The following ADAMTS16 variants were observed in gnomAD, a reference collection of about 807,000 sequenced individuals.
The protein encoded by ADAMTS16 is A disintegrin and metalloproteinase with thrombospondin motifs 16.
Under a neutral mutation model 145.8 loss-of-function variants are expected in ADAMTS16, and 94 were observed. That is an observed-to-expected ratio of 0.64 (90% CI 0.55 to 0.77). The LOEUF (loss-of-function observed/expected upper bound fraction) is 0.77, where lower values mean the gene tolerates loss of function less well. ADAMTS16 is among the 30% of genes least tolerant of loss of function. The pLI, the probability that ADAMTS16 is intolerant of heterozygous loss-of-function variation, is 0.00. For synonymous variants in ADAMTS16, 659 were observed against 604.3 expected (o/e 1.09, Z -1.33); for missense variants, 1,585 against 1,591.5 (o/e 1.00, Z 0.07).
In ADAMTS16 at chr5:5,237,184, G is replaced by A; in HGVS notation, c.2154+85G>A. 4.3e-6 allele frequency: 6 copies of A among 1,404,004 alleles called. No homozygotes were observed. The South Asian group carries it at 6.7e-5, about 16-fold the overall frequency. The allele number at this position is 1,404,004 out of a possible 1,614,324, so 87.0% of individuals were successfully genotyped here. ...CATCCTGTAGAGGCTAGAAAGACTG[G>A]ACATATGAGACAAGCCTTTCCCTCT... On this transcript the variant is annotated intron_variant, in intron 14 of 22. Coordinates refer to ENST00000274181, the MANE Select transcript of ADAMTS16 (RefSeq NM_139056.4).
chr5:5,159,801 A>T (rs1177561087), intron 3 of ADAMTS16, among the ~76,000 whole-genome samples: 1 of 152,232 alleles, frequency 6.6e-6, no homozygotes, highest in Non-Finnish European at 1.5e-5. Flanking sequence ...TGACGCGCAC[A>T]TTTTGAAAGA....
At chr5:5,189,808 G>A (rs996682877) in intron 6 of ADAMTS16, among the ~76,000 whole-genome samples, 163 bp from the exon 7 acceptor site, 2 of 152,204 alleles carry the variant, frequency 1.3e-5, no homozygotes, top group Non-Finnish European at 2.9e-5. Context: ...GGATCTGTAC[G>A]GGTTTTATAG....
At chr5:5,292,600 A>T (rs1269753395) in intron 18 of ADAMTS16, among the ~76,000 whole-genome samples, 3 of 152,126 alleles carry the variant, frequency 2.0e-5, no homozygotes, top group Non-Finnish European at 2.9e-5. Flanking sequence ...CCAGCCTTCC[A>T]TGGCTCTCCA....
chr5:5,142,040 C>G (rs1175995906), intron 2 of ADAMTS16: 1 of 146,918 alleles, frequency 6.8e-6, no homozygotes, highest in African/African-American at 2.5e-5. Flanking sequence ...AATTCTAATT[C>G]ACCTTTTTAA....
chr5:5,239,578 T>A (rs902475534), intron 15 of ADAMTS16, 103 bp from the exon 16 acceptor site: 1 of 1,499,736 alleles, frequency 6.7e-7, no homozygotes, highest in African/African-American at 1.4e-5. Context: ...CAGTTCCAAA[T>A]GTGGATTCTC....
intron 21 of ADAMTS16, 85 bp from the exon 22 acceptor site, chr5:5,318,049 G>A (rs1162447720): frequency 1.6e-6 from 2 of 1,264,508 alleles, no homozygotes; most frequent in East Asian, 3.1e-5. Context: ...GCAGCAGCAG[G>A]CCTTTTAGAA....
chr5:5,234,145 G>A (rs1307594598), intron 12 of ADAMTS16, among the ~76,000 whole-genome samples: 4 of 152,104 alleles, frequency 2.6e-5, no homozygotes, highest in South Asian at 2.1e-4. Context: ...CACCCCCTAC[G>A]CCACGCTGTA....
chr5:5,198,160 T>A (rs552639211), intron 8 of ADAMTS16, among the ~76,000 whole-genome samples: 68 of 152,284 alleles, frequency 4.5e-4, no homozygotes, highest in African/African-American at 1.6e-3. Flanking sequence ...TGGACCGTAA[T>A]GTGTCTTCTT....
At chr5:5,309,955 G>C (rs561843174) in intron 21 of ADAMTS16, among the ~76,000 whole-genome samples, 1 of 152,052 alleles carries the variant, frequency 6.6e-6, no homozygotes, top group Non-Finnish European at 1.5e-5. Context: ...TCCCAGTCAG[G>C]TGGCCAGGTC....
At chr5:5,169,224 A>G (rs1734980508) in intron 3 of ADAMTS16, among the ~76,000 whole-genome samples, 1 of 152,194 alleles carries the variant, frequency 6.6e-6, no homozygotes, top group Admixed American at 6.5e-5. Context: ...CTATTTAATA[A>G]TTATCACTAT....
At chr5:5,212,555 G>A (rs1736304765) in intron 10 of ADAMTS16, among the ~76,000 whole-genome samples, 1 of 152,010 alleles carries the variant, frequency 6.6e-6, no homozygotes, top group African/African-American at 2.4e-5. Flanking sequence ...TTATTGTTGG[G>A]TAATATTACT....
intron 7 of ADAMTS16, 95 bp downstream of exon 7, chr5:5,190,225 A>G (rs1735625770): frequency 7.3e-7 from 1 of 1,362,512 alleles, no homozygotes; most frequent in Non-Finnish European, 9.8e-7. Flanking sequence ...TTCCTTGTTA[A>G]TAAGCAGTAG....
chr5:5,290,824 T>C (rs965249889), intron 18 of ADAMTS16, among the ~76,000 whole-genome samples: 14 of 152,314 alleles, frequency 9.2e-5, no homozygotes, highest in Admixed American at 2.0e-4. Flanking sequence ...TTGTAAACTT[T>C]CACTGTGTAG....
intron 18 of ADAMTS16, among the ~76,000 whole-genome samples, chr5:5,279,905 CTTTTCTT>C (rs1259967961): frequency 5.2e-5 from 2 of 38,322 alleles, no homozygotes; most frequent in African/African-American, 1.1e-4. Flanking sequence ...TCTTTCTTTT[CTTTTCTT>C]TCTTTATTTC....
intron 4 of ADAMTS16, 143 bp from the exon 5 acceptor site, chr5:5,185,909 T>C: frequency 2.9e-6 from 2 of 697,604 alleles, no homozygotes; most frequent in Admixed American, 4.6e-5. Context: ...TAATACAAGT[T>C]TCTGCATCAC....
intron 17 of ADAMTS16, among the ~76,000 whole-genome samples, chr5:5,258,639 G>A (rs1214969936): frequency 6.6e-6 from 1 of 152,156 alleles, no homozygotes; most frequent in African/African-American, 2.4e-5. Flanking sequence ...TGGCTGTAGA[G>A]GACAGCACTC....
chr5:5,212,236 CT>C (rs1736293369), intron 10 of ADAMTS16, among the ~76,000 whole-genome samples: 1 of 134,456 alleles, frequency 7.4e-6, no homozygotes. Context: ...GAGATGGAGT[CT>C]TGCTCTGTCA....
At chr5:5,273,210 C>A (rs1210518000) in intron 18 of ADAMTS16, among the ~76,000 whole-genome samples, 1 of 152,188 alleles carries the variant, frequency 6.6e-6, no homozygotes, top group Non-Finnish European at 1.5e-5. Flanking sequence ...TCAGGGAAAC[C>A]AGAAGTGCTA....
chr5:5,266,385 A>C (rs1181088746), intron 18 of ADAMTS16, among the ~76,000 whole-genome samples: 1 of 152,230 alleles, frequency 6.6e-6, no homozygotes, highest in Non-Finnish European at 1.5e-5. Flanking sequence ...CATAGAAAGC[A>C]GGAGAGCTGG....
Sources: allele counts gnomAD v4.1 joint callset (sites outside exome capture counted in the v4.1 genomes callset), GRCh38; gene constraint gnomAD v4.1.1; transcripts MANE v1.5; gene names NCBI Gene and HGNC (gene_info 2026-07-23, HGNC 2026-07-21).